WBP2NL: variants seen among roughly 807,000 people sequenced by gnomAD.
WBP2NL encodes WBP2 N-terminal like, also known as postacrosomal sheath WW domain-binding protein.
Under a neutral mutation model 23.3 loss-of-function variants are expected in WBP2NL, and 27 were observed. That is an observed-to-expected ratio of 1.16 (90% CI 0.85 to 1.60). The LOEUF is 1.60. WBP2NL is among the 40% of genes most tolerant of loss of function. The pLI is 0.00. For synonymous variants in WBP2NL, 151 were observed against 145.9 expected, an observed-to-expected ratio of 1.03 and a Z score of -0.25; for missense variants, 370 against 389.5, an observed-to-expected ratio of 0.95 and a Z score of 0.42.
At chr22:42,046,796 C>T (rs1019729592) in intron 8 of WBP2NL, among the ~76,000 whole-genome samples, 1 of 152,088 alleles carries the variant, frequency 6.6e-6, no homozygotes, top group African/African-American at 2.4e-5. Context: ...TTGGATCTTA[C>T]GATGCTGAGC....
chr22:42,019,625 T>C, intron 2 of WBP2NL, 37 bp from the exon 3 acceptor site: 1 of 1,612,268 alleles, frequency 6.2e-7, no homozygotes, highest in Non-Finnish European at 8.5e-7. Context: ...ATGGACAAAT[T>C]CTGCATTCCT....
chr22:42,034,846 C>T (rs542229520), downstream of WBP2NL, among the ~76,000 whole-genome samples: 3 of 152,304 alleles, frequency 2.0e-5, no homozygotes, highest in East Asian at 1.9e-4. Flanking sequence ...CTGTTCTGCC[C>T]GGCTCACCGG....
At position 42,048,286 on chromosome 22, in the gene WBP2NL, G is replaced by C. The variant is rs1317780587; in HGVS notation, c.*274-10004G>C. On this transcript the variant is annotated intron_variant and NMD_transcript_variant, in intron 8 of 8. Coordinates refer to the WBP2NL transcript ENST00000436265. Reference sequence around the variant, plus strand: ...AGTACAAAAATTAGCCGGGCGTGGTGGTGCACACCTGTAATCCCAGCTACT... The same window carrying C: ...AGTACAAAAATTAGCCGGGCGTGGTCGTGCACACCTGTAATCCCAGCTACT... Among the ~76,000 whole-genome samples the C allele has an allele frequency of 2.0e-5, 3 of 146,628 alleles. No homozygotes were observed. The South Asian group carries it at 6.3e-4, about 31-fold the overall frequency.
At chr22:42,005,954 A>G (rs1255589202) in intron 1 of WBP2NL, among the ~76,000 whole-genome samples, 1 of 152,234 alleles carries the variant, frequency 6.6e-6, no homozygotes, top group Admixed American at 6.5e-5. Context: ...TGTCATGGCA[A>G]CAGTTTTTTG....
At chr22:42,054,522 CTG>C (rs755229500) in intron 8 of WBP2NL, among the ~76,000 whole-genome samples, 2 of 151,970 alleles carry the variant, frequency 1.3e-5, no homozygotes. Flanking sequence ...ATCTAAGAAA[CTG>C]TGGCATAATC....
In WBP2NL at chr22:42,027,331, T is replaced by C. The variant is rs747777776; in HGVS notation, c.*150T>C. ...GGAAGGGCAATCTTATGGGGGAAGG[T>C]GAAACTTTACTTCTGTGCCTAGATT... is the stretch of plus-strand genomic sequence containing the variant. On this transcript the variant is annotated 3_prime_UTR_variant, in exon 6 of 6. Coordinates refer to ENST00000328823, the MANE Select transcript of WBP2NL (RefSeq NM_152613.3). 5.9e-5 allele frequency: 59 copies of C among 1,000,034 alleles called. No homozygotes were observed. The highest frequency in any genetic ancestry group is 7.8e-5 in the Non-Finnish European group (56 of 717,446). The allele number at this position is 1,000,034 out of a possible 1,614,324, so 61.9% of individuals were successfully genotyped here.
At chr22:42,009,639 G>T (rs1030323180) in intron 1 of WBP2NL, among the ~76,000 whole-genome samples, 13 of 152,156 alleles carry the variant, frequency 8.5e-5, no homozygotes, top group African/African-American at 3.1e-4. Context: ...TCACATATAT[G>T]TGAAGATTTG....
At chr22:42,001,461 T>C (rs1921670090) in intron 1 of WBP2NL, 1 of 908,564 alleles carries the variant, frequency 1.1e-6, no homozygotes, top group African/African-American at 1.6e-5. Flanking sequence ...AGGCTCTTAA[T>C]CCCGTCAGAT....
chr22:42,047,266 G>T (rs1925622015), intron 8 of WBP2NL, among the ~76,000 whole-genome samples: 1 of 56,600 alleles, frequency 1.8e-5, no homozygotes, highest in Non-Finnish European at 3.2e-5. Flanking sequence ...TTATTTTCAA[G>T]CTCAAAAAAA....
downstream of WBP2NL, among the ~76,000 whole-genome samples, chr22:42,029,344 C>G (rs1381125945): frequency 6.7e-6 from 1 of 149,268 alleles, no homozygotes; most frequent in East Asian, 1.9e-4. Context: ...TGCACTTGAC[C>G]CAGAAGACAT....
At chr22:42,036,454 G>A (rs1306683182), downstream of WBP2NL, among the ~76,000 whole-genome samples, 8 of 152,174 alleles carry the variant, frequency 5.3e-5, no homozygotes, top group African/African-American at 1.2e-4. Flanking sequence ...GATTACGGGC[G>A]TGAGCCACCG....
chr22:42,008,398 G>A (rs1200545322), intron 1 of WBP2NL, among the ~76,000 whole-genome samples: 2 of 151,570 alleles, frequency 1.3e-5, no homozygotes, highest in South Asian at 2.1e-4. Context: ...GTAGAGACGG[G>A]GTTTCGCTGT....
At position 42,019,740 on chromosome 22, in the gene WBP2NL, A is replaced by G. The variant is rs201246579; in HGVS notation, c.250A>G (p.Thr84Ala). The change falls in exon 3 of 6, where the codon ACT becomes GCT. Residue 84 changes from threonine to alanine, a missense_variant. Physicochemically the swap from Thr to Ala is moderately conservative, Grantham distance 58 (BLOSUM62 0). Coordinates refer to ENST00000328823, the MANE Select transcript of WBP2NL (RefSeq NM_152613.3). ...GCCATTTGATCTGATGACGAACCTC[A>G]CTGTTGAACAACCAGTATTTGCTGC... The part of the protein sequence containing the change: ...MMPFDLMTNL[T>A]VEQPVFAANF... The G allele has an allele frequency of 3.7e-6, 6 of 1,614,128 alleles. No homozygotes were observed. In the Admixed American group the frequency reaches 6.7e-5, roughly 18 times the overall value.
downstream of WBP2NL, chr22:42,029,869 T>C (rs954988232): frequency 6.6e-6 from 1 of 152,266 alleles, no homozygotes; most frequent in Non-Finnish European, 1.5e-5. Context: ...GTTTTTGTTA[T>C]TACAACTTCA....
chr22:42,041,189 T>G (rs1191887893), intron 8 of WBP2NL, among the ~76,000 whole-genome samples: 1 of 152,134 alleles, frequency 6.6e-6, no homozygotes, highest in African/African-American at 2.4e-5. Flanking sequence ...GACTTAAAAG[T>G]CTGTTTTGGC....
chr22:42,027,670 T>G lies in WBP2NL; in HGVS notation c.*489T>G, dbSNP rs542452320. 3.3e-6 allele frequency: 1 copy of G among 300,002 alleles called. No homozygotes were observed. The highest frequency in any genetic ancestry group is 5.4e-5 in the East Asian group (1 of 18,616). The allele number at this position is 300,002 out of a possible 1,614,324, so 18.6% of individuals were successfully genotyped here. On this transcript the variant is annotated 3_prime_UTR_variant, in exon 6 of 6. Coordinates refer to ENST00000328823, the MANE Select transcript of WBP2NL (RefSeq NM_152613.3). ...AGTATTATACACCTGTTGAAAACTA[T>G]GTCTAGAGGTAGAGAAAGCCTTCTT...
intron 1 of WBP2NL, among the ~76,000 whole-genome samples, chr22:42,008,171 C>CTTTCCTT (rs1922467904): frequency 7.1e-6 from 1 of 141,596 alleles, no homozygotes; most frequent in Admixed American, 7.3e-5. Flanking sequence ...CCTTTCCTTT[C>CTTTCCTT]TCCCTCCCTT....
At position 42,027,279 on chromosome 22, in the gene WBP2NL, T is replaced by A; in HGVS notation, c.*98T>A. The A allele has an allele frequency of 7.0e-7, 1 of 1,435,424 alleles. No individual in the cohort carries two copies. The allele number at this position is 1,435,424 out of a possible 1,614,324, so 88.9% of individuals were successfully genotyped here. A position where few individuals can be genotyped will look rare whatever the true frequency, so the allele number is the denominator to read the frequency against. On this transcript the variant is annotated 3_prime_UTR_variant, in exon 6 of 6. Coordinates refer to ENST00000328823, the MANE Select transcript of WBP2NL (RefSeq NM_152613.3). ...ACGACTCAGGTATGTGATCACAGGC[T>A]TCTCGCAGGTAGTTGTTCCACCCTT...
At chr22:42,052,884 G>T (rs1265599293) in intron 8 of WBP2NL, among the ~76,000 whole-genome samples, 1 of 152,168 alleles carries the variant, frequency 6.6e-6, no homozygotes, top group Non-Finnish European at 1.5e-5. Flanking sequence ...CAGTCAGGAG[G>T]CAAAAGCCAT....
Sources: gnomAD v4.1 joint callset for allele counts (sites outside exome capture counted in the v4.1 genomes callset) on GRCh38, gnomAD v4.1.1 for gene constraint, MANE v1.5 for transcripts, NCBI Gene and HGNC (gene_info 2026-07-23, HGNC 2026-07-21) for gene names.